Variants in CPD observed in about 807,000 individuals in gnomAD.
The protein encoded by CPD is metallocarboxypeptidase D.
A neutral mutation model predicts 138.3 loss-of-function variants in CPD; 69 were observed. The ratio of observed to expected loss-of-function variants is 0.50; its 90% CI spans 0.41 to 0.61. CPD has a LOEUF of 0.61. CPD is among the 20% of genes least tolerant of loss of function. The pLI, the probability that CPD is intolerant of heterozygous loss-of-function variation, is 0.00. For missense variants in CPD, 1,432 were observed against 1,733.3 expected, an observed-to-expected ratio of 0.83 and a Z score of 3.09; for synonymous variants, 651 against 642.1, an observed-to-expected ratio of 1.01 and a Z score of -0.21.
chr17:30,431,617 A>G (rs1912567627), intron 7 of CPD, among the ~76,000 whole-genome samples, 155 bp from the exon 8 acceptor site: 1 of 152,212 alleles, frequency 6.6e-6, no homozygotes, highest in Admixed American at 6.5e-5. Flanking sequence ...TTCACTTTGA[A>G]TTGAAGAAAT....
chr17:30,455,262 A>G, intron 14 of CPD, 77 bp from the exon 15 acceptor site: 3 of 1,197,698 alleles, frequency 2.5e-6, no homozygotes, highest in Non-Finnish European at 3.5e-6. Context: ...ATTGTATTCA[A>G]GTAGAGAATA....
chr17:30,421,918 T>C, intron 4 of CPD, 85 bp downstream of exon 4: 1 of 1,026,706 alleles, frequency 9.7e-7, no homozygotes, highest in East Asian at 2.5e-5. Flanking sequence ...CTAGTACATG[T>C]TGTTTATTTT....
chr17:30,412,883 C>T (rs1912003652), intron 2 of CPD, among the ~76,000 whole-genome samples: 1 of 152,202 alleles, frequency 6.6e-6, no homozygotes, highest in African/African-American at 2.4e-5. Context: ...CCGTGGGCTG[C>T]ACCCACTGTC....
intron 3 of CPD, 77 bp downstream of exon 3, chr17:30,421,060 T>C: frequency 1.6e-6 from 2 of 1,244,278 alleles, no homozygotes; most frequent in Non-Finnish European, 2.3e-6. Context: ...ATGTGAATGA[T>C]AATCTATACA....
intron 6 of CPD, among the ~76,000 whole-genome samples, chr17:30,426,762 G>T (rs7220541): frequency 0.37 from 55,571 of 152,100 alleles, 12,640 homozygotes; most frequent in East Asian, 0.82. Flanking sequence ...TTTTACAAAG[G>T]TGGTTTAGTT....
rs1223163835 is a variant in CPD, at chr17:30,379,595, C to T, written c.615C>T (p.Ala205=). ...CGFGDGGPSG[A]SGRDNSRGRD... is the part of the protein sequence containing the mutation. ...TCGGCGACGGCGGCCCGTCCGGGGC[C>T]AGCGGCCGCGACAATAGTCGCGGCC... The change falls in exon 1 of 21, where the codon GCC becomes GCT. Residue 205 remains alanine, a synonymous_variant. Transcript: ENST00000225719. The surrounding 1 kb of genome is among the most constrained non-coding windows in gnomAD (Gnocchi z 7.0). The T allele has an allele frequency of 6.7e-7, 1 of 1,483,522 alleles. No individual in the cohort carries two copies. 91.9% of individuals were successfully genotyped at this position (1,483,522 alleles called of 1,614,324 possible).
intron 2 of CPD, among the ~76,000 whole-genome samples, chr17:30,420,153 A>G (rs962915348): frequency 1.3e-5 from 2 of 152,216 alleles, no homozygotes; most frequent in Non-Finnish European, 2.9e-5. Context: ...AAACATGGTG[A>G]AGGTGATAGA....
intron 1 of CPD, among the ~76,000 whole-genome samples, chr17:30,383,906 A>T (rs1911115739): frequency 6.6e-6 from 1 of 152,228 alleles, no homozygotes; most frequent in Admixed American, 6.5e-5. Context: ...TATAAGGGAA[A>T]GATGCTTAAA....
At chr17:30,423,796 C>A in intron 6 of CPD, 99 bp downstream of exon 6, 1 of 947,846 alleles carries the variant, frequency 1.1e-6, no homozygotes, top group Non-Finnish European at 1.5e-6. Context: ...GAATTTCTTC[C>A]AATTTTTTTT....
intron 8 of CPD, 30 bp downstream of exon 8, chr17:30,431,911 CA>C: frequency 7.2e-7 from 1 of 1,396,458 alleles, no homozygotes; most frequent in Non-Finnish European, 1.0e-6. Context: ...TAAAATGTTA[CA>C]AAATTAATTC....
Position 30,422,673 on chromosome 17 carries a change from G to A in CPD, c.1308-1G>A. ...TTTACTTTTTCAAATTTTTTTTTCA[G>A]GTATATGCCATTGACTGTTACTAAT... On this transcript the variant is annotated splice_acceptor_variant, in intron 4 of 20. Transcript: ENST00000225719. LOFTEE classifies it high-confidence loss of function. 6.3e-7 allele frequency: 1 copy of A among 1,589,242 alleles called. No homozygotes were observed.
intron 2 of CPD, among the ~76,000 whole-genome samples, chr17:30,386,634 T>C (rs1210503173): frequency 6.6e-6 from 1 of 152,198 alleles, no homozygotes; most frequent in African/African-American, 2.4e-5. Flanking sequence ...CAGCCATTGG[T>C]AACCTCTAAT....
chr17:30,422,645 C>T (rs538549654), intron 4 of CPD, 29 bp from the exon 5 acceptor site: 1 of 1,463,918 alleles, frequency 6.8e-7, no homozygotes, highest in African/African-American at 1.4e-5. Context: ...TAACTATAAA[C>T]CATTTACTTT....
At chr17:30,417,183 T>C (rs1912132578) in intron 2 of CPD, among the ~76,000 whole-genome samples, 1 of 152,120 alleles carries the variant, frequency 6.6e-6, no homozygotes, top group East Asian at 1.9e-4. Context: ...CTGCTTCCCC[T>C]ATGTAAGAAT....
At position 30,445,798 on chromosome 17, in the gene CPD, G is replaced by C. The variant is rs1913011717; in HGVS notation, c.2651G>C (p.Gly884Ala). 6.2e-7 allele frequency: 1 copy of C among 1,613,942 alleles called. No individual in the cohort carries two copies. The highest frequency in any genetic ancestry group is 1.1e-5 in the South Asian group (1 of 91,088). ...STDSNNESKK[G>A]KGASSSTNDA... Reference sequence around the variant, plus strand: ...GATTCAAACAATGAATCAAAGAAAGGAAAAGGGGCTAGCAGCAGCACCAAT... The same window carrying C: ...GATTCAAACAATGAATCAAAGAAAGCAAAAGGGGCTAGCAGCAGCACCAAT... Residue 884 changes from glycine (G) to alanine (A), a missense_variant, in exon 12 of 21, where the codon GGA (glycine) becomes GCA (alanine). By Grantham distance (60) the Gly-to-Ala change is moderately conservative. Coordinates refer to ENST00000225719, the MANE Select transcript of CPD (RefSeq NM_001304.5).
intron 8 of CPD, among the ~76,000 whole-genome samples, chr17:30,438,209 A>T (rs936230891): frequency 1.3e-5 from 2 of 151,876 alleles, no homozygotes; most frequent in Non-Finnish European, 2.9e-5. Context: ...TTCTCTTCAC[A>T]CTTTCAGTAC....
intron 1 of CPD, chr17:30,380,332 A>G: frequency 3.0e-6 from 1 of 335,046 alleles, no homozygotes; most frequent in Non-Finnish European, 4.6e-6. Context: ...TGATATTCCC[A>G]GGATCTTCCC....
At chr17:30,417,802 A>G (rs753187799) in intron 2 of CPD, among the ~76,000 whole-genome samples, 2 of 152,146 alleles carry the variant, frequency 1.3e-5, no homozygotes, top group Non-Finnish European at 2.9e-5. Context: ...TTTTCTGTTC[A>G]AAACTAACAA....
intron 2 of CPD, among the ~76,000 whole-genome samples, chr17:30,388,356 G>GCT (rs1911253529): frequency 6.6e-6 from 1 of 152,206 alleles, no homozygotes; most frequent in Non-Finnish European, 1.5e-5. Context: ...GCCTCTTGCT[G>GCT]CTTTCCATGG....
Sources: gnomAD v4.1 joint callset for allele counts (sites outside exome capture counted in the v4.1 genomes callset) on GRCh38, gnomAD v4.1.1 for gene constraint, Gnocchi (gnomAD v3.1) non-coding constraint, MANE v1.5 for transcripts, NCBI Gene and HGNC (gene_info 2026-07-23, HGNC 2026-07-21) for gene names.